The following MEI1 variants were observed in gnomAD, a reference collection of about 807,000 sequenced individuals.
The protein encoded by MEI1 is meiotic double-stranded break formation protein 1.
Under a neutral mutation model 146.2 loss-of-function variants are expected in MEI1, and 103 were observed. The observed-to-expected ratio is 0.70, with a 90% CI of 0.60 to 0.83. The LOEUF (loss-of-function observed/expected upper bound fraction) is 0.83. MEI1 is among the 40% of genes least tolerant of loss of function. MEI1 has a pLI of 0.00. For missense variants in MEI1, 1,529 were observed against 1,533.0 expected, an observed-to-expected ratio of 1.00 and a Z score of 0.04; for synonymous variants, 652 against 628.2, an observed-to-expected ratio of 1.04 and a Z score of -0.57.
chr22:41,771,102 G>A, intron 20 of MEI1, 141 bp downstream of exon 20: 1 of 923,206 alleles, frequency 1.1e-6, no homozygotes. Context: ...GAGTTGGAGG[G>A]GTGGTGGTCT....
intron 19 of MEI1, among the ~76,000 whole-genome samples, chr22:41,768,762 C>T (rs1457510042): frequency 5.9e-5 from 9 of 152,152 alleles, no homozygotes; most frequent in South Asian, 2.1e-4. Context: ...AGAACAGCAA[C>T]GGGGAGGTCC....
chr22:41,797,459 A>C (rs2076403341), intron 30 of MEI1, among the ~76,000 whole-genome samples: 1 of 152,116 alleles, frequency 6.6e-6, no homozygotes. Flanking sequence ...TAAAAATACA[A>C]AAATTAGTCG....
rs767330085 is a variant in MEI1 at position 41,795,418 on chromosome 22, G to A, written c.3542G>A (p.Arg1181Gln). The A allele has an allele frequency of 9.9e-6, 16 of 1,613,642 alleles. No individual in the cohort carries two copies. The highest frequency in any genetic ancestry group is 4.5e-5 in the East Asian group (2 of 44,862). Residue 1181 changes from arginine to glutamine, a missense_variant, in exon 29 of 31, where the codon CGG (arginine) becomes CAG (glutamine). Physicochemically the swap from Arg to Gln is conservative, Grantham distance 43 (BLOSUM62 1). This residue lies in a region of MEI1 where 313 missense variants were observed against 337.3 expected (regional missense o/e 0.93). Transcript: ENST00000401548. This position sits in a 1 kb window ranked among gnomAD's most constrained non-coding sequence, Gnocchi z 4.2. ...EILRLMTLFM[R>Q]YRSSSVLSHE... ...TTTCTCTTCCTGGGCCAGTTTATGC[G>A]GTACCGGAGTAGCAGTGTCCTCTCT... is the stretch of plus-strand genomic sequence containing the variant.
At chr22:41,745,504 G>A (rs1187355643) in intron 13 of MEI1, among the ~76,000 whole-genome samples, 4 of 152,194 alleles carry the variant, frequency 2.6e-5, no homozygotes, top group African/African-American at 9.7e-5. Flanking sequence ...CAGTCTCTTG[G>A]GGAAGAGATG....
rs772172890 is a variant in MEI1, at chr22:41,781,815, C to T, written c.3057C>T (p.Phe1019=). Residue 1019 remains phenylalanine, a synonymous_variant, in exon 24 of 31, where the codon TTC becomes TTT. Transcript: ENST00000401548. ...LCSAWLLTAS[F]SAQQHKGSLQ... is the part of the protein sequence containing the mutation. ...CTGCCTGGCTGCTCACTGCCTCCTT[C>T]TCTGCCCAGCAGCACAAGGGCAGTT... 2.5e-6 allele frequency: 4 copies of T among 1,613,902 alleles called. No homozygotes were observed. The East Asian group carries it at 6.7e-5, about 27-fold the overall frequency.
rs5758457 is a variant in MEI1 at position 41,757,783 on chromosome 22, T to C, written c.1952-582T>C. 0.019 allele frequency among the ~76,000 whole-genome samples: 2,944 copies of C among 152,200 alleles called. 621 individuals carry two copies. The East Asian group carries it at 0.48, about 25-fold the overall frequency. On this transcript the variant is annotated intron_variant, in intron 17 of 30. Transcript: ENST00000401548. ...CCCATCAGCTGCCAGTTCCTGGAGG[T>C]AGGGCCTGGGTCTCACAGCCTGTCC... is the stretch of plus-strand genomic sequence containing the variant.
chr22:41,732,496 A>G lies in MEI1; in HGVS notation c.1224A>G (p.Thr408=), dbSNP rs367870538. The change falls in exon 11 of 31, where the codon ACA becomes ACG. Residue 408 remains threonine, a synonymous_variant. Coordinates refer to ENST00000401548, the MANE Select transcript of MEI1 (RefSeq NM_152513.4). ...TRQPEEIKLF[T]SSAMCRDAGR... ...AGCCAGAGGAGATCAAGCTGTTCAC[A>G]AGCTCAGCCATGTGCAGAGATGCTG... 5 of 1,613,788 alleles carry G rather than the reference A, an allele frequency of 3.1e-6. No homozygotes were observed. The highest frequency in any genetic ancestry group is 1.7e-5 in the Admixed American group (1 of 59,998).
At chr22:41,725,770 C>T (rs2071280210) in intron 7 of MEI1, among the ~76,000 whole-genome samples, 1 of 152,200 alleles carries the variant, frequency 6.6e-6, no homozygotes, top group Non-Finnish European at 1.5e-5. Flanking sequence ...CTCCTTTAGG[C>T]GGAATGTGAC....
At chr22:41,711,173 CT>C (rs1046705396) in intron 3 of MEI1, among the ~76,000 whole-genome samples, 2 of 151,294 alleles carry the variant, frequency 1.3e-5, no homozygotes, top group African/African-American at 2.4e-5. Flanking sequence ...ACCAGTATTT[CT>C]TTTTTTTTCT....
intron 26 of MEI1, among the ~76,000 whole-genome samples, chr22:41,785,972 G>A (rs184806667): frequency 0.017 from 2,353 of 138,694 alleles, 60 homozygotes; most frequent in Admixed American, 0.065. Flanking sequence ...GTGCAGTGGC[G>A]CGATCTCGGC....
chr22:41,719,695 G>A (rs2070565987), intron 6 of MEI1, among the ~76,000 whole-genome samples: 1 of 152,148 alleles, frequency 6.6e-6, no homozygotes, highest in East Asian at 1.9e-4. Context: ...CATGGCACTA[G>A]GTTTCTCTGC....
At chr22:41,731,865 G>C (rs2071895617) in intron 9 of MEI1, among the ~76,000 whole-genome samples, 1 of 152,148 alleles carries the variant, frequency 6.6e-6, no homozygotes, top group Non-Finnish European at 1.5e-5. Context: ...CAGGAGCTGT[G>C]GGGGCTCAGG....
At chr22:41,799,120 G>A (rs1602225323) in intron 30 of MEI1, 134 bp from the exon 31 acceptor site, 1 of 747,908 alleles carries the variant, frequency 1.3e-6, no homozygotes, top group East Asian at 2.8e-5. Flanking sequence ...CCCAATTTCA[G>A]AATCCATCCC....
Position 41,732,571 on chromosome 22 carries a change from T to A in MEI1, c.1299T>A (p.Ala433=). 6.2e-7 allele frequency: 1 copy of A among 1,613,708 alleles called. No individual in the cohort carries two copies. The highest frequency in any genetic ancestry group is 8.5e-7 in the Non-Finnish European group (1 of 1,179,842). ...AVSSPVLEVA[A]EALKATSAFL... is the part of the protein sequence containing the mutation. ...GCAGCCCTGTGCTGGAGGTGGCTGC[T>A]GAGGCCTTGAAGGCCACTTCTGCTT... The change falls in exon 11 of 31, where the codon GCT becomes GCA. Residue 433 remains alanine, a synonymous_variant. Coordinates refer to ENST00000401548, the MANE Select transcript of MEI1 (RefSeq NM_152513.4).
intron 21 of MEI1, 25 bp from the exon 22 acceptor site, chr22:41,778,683 G>A: frequency 1.3e-6 from 2 of 1,559,356 alleles, no homozygotes; most frequent in Non-Finnish European, 1.7e-6. Flanking sequence ...CAGGCTTCTT[G>A]CCCAGTCCTC....
intron 3 of MEI1, among the ~76,000 whole-genome samples, chr22:41,706,134 T>G (rs1269866401): frequency 1.3e-5 from 2 of 152,164 alleles, no homozygotes; most frequent in Admixed American, 1.3e-4. Flanking sequence ...TCTTCCCGCC[T>G]CAGCCTCCCG....
At chr22:41,785,762 G>A (rs1263616355) in intron 26 of MEI1, among the ~76,000 whole-genome samples, 4 of 148,252 alleles carry the variant, frequency 2.7e-5, no homozygotes, top group South Asian at 2.1e-4. Context: ...CGGGGTTTCC[G>A]CATATTGGTC....
intron 24 of MEI1, among the ~76,000 whole-genome samples, chr22:41,782,424 A>G (rs879408196): frequency 2.6e-5 from 4 of 152,308 alleles, no homozygotes; most frequent in South Asian, 2.1e-4. Context: ...CGAGAAGGTG[A>G]TGCAGGGAAG....
At chr22:41,794,049 G>A in intron 27 of MEI1, 139 bp downstream of exon 27, 1 of 829,338 alleles carries the variant, frequency 1.2e-6, no homozygotes. Context: ...AGCACTGCAA[G>A]GGCAGTCATG....
Sources: allele counts gnomAD v4.1 joint callset (sites outside exome capture counted in the v4.1 genomes callset), GRCh38; gene constraint gnomAD v4.1.1; regional missense constraint gnomAD v4.1.1; non-coding constraint Gnocchi (gnomAD v3.1); transcripts MANE v1.5; gene names NCBI Gene and HGNC (gene_info 2026-07-23, HGNC 2026-07-21).